Variants in DLGAP2 observed in about 807,000 individuals in gnomAD.
The protein encoded by DLGAP2 is disks large-associated protein 2.
In DLGAP2, 26 loss-of-function variants were observed where a neutral mutation model predicts 100.3. The observed-to-expected ratio is 0.26, with a 90% CI of 0.19 to 0.36. The LOEUF (loss-of-function observed/expected upper bound fraction) is 0.36. Ranked by LOEUF, DLGAP2 falls within the 10% of genes least tolerant of loss-of-function variation. The probability of loss-of-function intolerance (pLI) is 1.00; values close to 1 mark genes in which losing one functional copy is unlikely to be tolerated. For missense variants in DLGAP2, 1,858 were observed against 1,453.2 expected, an observed-to-expected ratio of 1.28 and a Z score of -4.53; for synonymous variants, 886 against 630.1, an observed-to-expected ratio of 1.41 and a Z score of -6.08.
intron 13 of DLGAP2, among the ~76,000 whole-genome samples, chr8:1,695,163 G>A (rs1474639331): frequency 6.6e-6 from 1 of 152,226 alleles, no homozygotes; most frequent in East Asian, 1.9e-4. Context: ...CGAGGGAGGA[G>A]AAGCCACTCC....
chr8:1,356,238 C>T (rs750851840), intron 3 of DLGAP2, among the ~76,000 whole-genome samples: 14 of 152,276 alleles, frequency 9.2e-5, no homozygotes, highest in South Asian at 4.1e-4. Context: ...ACATGGGACC[C>T]GGGGAGCCAT....
intron 1 of DLGAP2, 29 bp from the exon 2 acceptor site, chr8:907,883 A>G (rs1016152944): frequency 1.8e-5 from 7 of 398,732 alleles, no homozygotes; most frequent in Non-Finnish European, 2.7e-5. Flanking sequence ...ATGATAACAA[A>G]TGTATTTTAT....
intron 6 of DLGAP2, among the ~76,000 whole-genome samples, chr8:1,577,567 CAAAAAAA>C (rs10646663): frequency 1.7e-4 from 18 of 105,820 alleles, no homozygotes; most frequent in African/African-American, 4.4e-4. Context: ...CACTCTCTCT[CAAAAAAA>C]AAAAAAAAAA....
intron 1 of DLGAP2, among the ~76,000 whole-genome samples, chr8:788,498 T>A (rs1184462429): frequency 6.6e-6 from 1 of 152,238 alleles, no homozygotes. Flanking sequence ...TTTGGCACCA[T>A]CCCAGGTAGT....
intron 3 of DLGAP2, among the ~76,000 whole-genome samples, chr8:1,435,993 G>C (rs765358437): frequency 6.6e-6 from 1 of 152,162 alleles, no homozygotes; most frequent in Non-Finnish European, 1.5e-5. Flanking sequence ...AGCCTTACAA[G>C]AGAGTCAAAC....
At chr8:1,519,812 C>T (rs1024895821) in intron 4 of DLGAP2, among the ~76,000 whole-genome samples, 2 of 152,262 alleles carry the variant, frequency 1.3e-5, no homozygotes, top group Admixed American at 6.5e-5. Flanking sequence ...GGGTTTTGTG[C>T]TCAGCAGGTG....
At chr8:857,715 A>C (rs1268303268) in intron 1 of DLGAP2, among the ~76,000 whole-genome samples, 1 of 152,148 alleles carries the variant, frequency 6.6e-6, no homozygotes, top group Non-Finnish European at 1.5e-5. Context: ...GGGAACTCTC[A>C]TCCTCACTGT....
chr8:1,216,349 C>G (rs1459930619), intron 2 of DLGAP2, among the ~76,000 whole-genome samples: 1 of 152,006 alleles, frequency 6.6e-6, no homozygotes, highest in Non-Finnish European at 1.5e-5. Flanking sequence ...AGGCTCTGTC[C>G]TAATTGTTTT....
At chr8:1,201,870 G>GGT (rs1294772938) in intron 2 of DLGAP2, among the ~76,000 whole-genome samples, 4 of 152,286 alleles carry the variant, frequency 2.6e-5, no homozygotes, top group African/African-American at 7.2e-5. Context: ...ATCTATCTGT[G>GGT]GTGTGTGTGT....
At chr8:1,356,211 A>T (rs1801847277) in intron 3 of DLGAP2, among the ~76,000 whole-genome samples, 1 of 152,104 alleles carries the variant, frequency 6.6e-6, no homozygotes. Context: ...GCTCCCTTTG[A>T]AAGGTTTTGC....
intron 3 of DLGAP2, chr8:1,381,274 G>C (rs1198829326): frequency 6.6e-6 from 1 of 152,150 alleles, no homozygotes; most frequent in Non-Finnish European, 1.5e-5. Flanking sequence ...AGATTCCATT[G>C]TTGGCTGACA....
chr8:1,190,802 C>T (rs887145087), intron 2 of DLGAP2, among the ~76,000 whole-genome samples: 52 of 152,018 alleles, frequency 3.4e-4, no homozygotes, highest in East Asian at 3.1e-3. Context: ...AGCAGCAAGG[C>T]GTGGGGTCTG....
Position 1,329,699 on chromosome 8 carries a change from C to T in DLGAP2, c.106+70816C>T, listed in dbSNP as rs6993042. On this transcript the variant is annotated intron_variant, in intron 3 of 14. Coordinates refer to ENST00000637795, the MANE Select transcript of DLGAP2 (RefSeq NM_001346810.2). ...ACCATGGGGGTGAATGAAGATGAGC[C>T]GTGCGTGAGGTCACCTTCTAACAGC... is the stretch of plus-strand genomic sequence containing the variant. Among the ~76,000 whole-genome samples the T allele has an allele frequency of 2.9e-3, 437 of 152,228 alleles. 4 individuals are homozygous for T. Among genetic ancestry groups the T allele is most frequent in the African/African-American group, 9.8e-3 (409 of 41,526 alleles).
At chr8:1,212,211 A>C (rs1798120405) in intron 2 of DLGAP2, among the ~76,000 whole-genome samples, 1 of 152,346 alleles carries the variant, frequency 6.6e-6, no homozygotes, top group South Asian at 2.1e-4. Context: ...TCAATCTTTC[A>C]AAGACACGCA....
intron 2 of DLGAP2, among the ~76,000 whole-genome samples, chr8:1,211,379 T>G (rs948768948): frequency 6.6e-6 from 1 of 152,232 alleles, no homozygotes; most frequent in Non-Finnish European, 1.5e-5. Flanking sequence ...ATCAGATAGA[T>G]GCACAGAAAA....
intron 3 of DLGAP2, among the ~76,000 whole-genome samples, chr8:1,483,398 C>G (rs1799151278): frequency 6.6e-6 from 1 of 152,178 alleles, no homozygotes; most frequent in Non-Finnish European, 1.5e-5. Context: ...GATGAGCACA[C>G]CTGCTGTTGG....
intron 1 of DLGAP2, among the ~76,000 whole-genome samples, chr8:744,801 G>A (rs1001613568): frequency 3.3e-5 from 5 of 152,194 alleles, no homozygotes; most frequent in African/African-American, 9.7e-5. Context: ...TTTTCATTCC[G>A]TCCTTTCCTC....
intron 7 of DLGAP2, among the ~76,000 whole-genome samples, chr8:1,627,947 C>T (rs976280553): frequency 1.4e-5 from 2 of 148,034 alleles, no homozygotes; most frequent in Non-Finnish European, 3.0e-5. Context: ...GGATTAAGAG[C>T]CTGAGCTGAC....
chr8:797,766 T>C (rs1796064893), intron 1 of DLGAP2, among the ~76,000 whole-genome samples: 1 of 152,190 alleles, frequency 6.6e-6, no homozygotes, highest in Non-Finnish European at 1.5e-5. Flanking sequence ...ATTTATTTTT[T>C]TGAGATGGAG....
Sources: allele counts gnomAD v4.1 joint callset (sites outside exome capture counted in the v4.1 genomes callset), GRCh38; gene constraint gnomAD v4.1.1; transcripts MANE v1.5; gene names NCBI Gene and HGNC (gene_info 2026-07-23, HGNC 2026-07-21).